Variants in BMERB1 observed in about 807,000 individuals in gnomAD.
The protein encoded by BMERB1 is bMERB domain-containing protein 1.
BMERB1 carries 12 observed loss-of-function variants against 23.6 expected under a neutral mutation model. The ratio of observed to expected loss-of-function variants is 0.51; its 90% CI spans 0.33 to 0.82. The LOEUF is 0.82. Among genes scored for constraint, BMERB1 ranks in the 40% least tolerant of loss-of-function variants. The probability of loss-of-function intolerance (pLI) is 0.03; values close to 1 mark genes in which losing one functional copy is unlikely to be tolerated. For synonymous variants in BMERB1, 122 were observed against 96.6 expected (o/e 1.26, Z -1.54); for missense variants, 247 against 255.4 (o/e 0.97, Z 0.22).
intron 1 of BMERB1, among the ~76,000 whole-genome samples, chr16:15,480,916 A>G (rs1055545758): frequency 6.6e-6 from 1 of 152,030 alleles, no homozygotes; most frequent in African/African-American, 2.4e-5. Flanking sequence ...CCGGCCAGGA[A>G]TTACACTTTT....
chr16:15,482,428 C>G (rs1209157865), intron 1 of BMERB1, among the ~76,000 whole-genome samples: 1 of 152,158 alleles, frequency 6.6e-6, no homozygotes, highest in Non-Finnish European at 1.5e-5. Context: ...TAGTGGCCAC[C>G]AGAACCATCC....
At chr16:15,526,956 T>C (rs1219984594) in intron 2 of BMERB1, among the ~76,000 whole-genome samples, 3 of 147,250 alleles carry the variant, frequency 2.0e-5, no homozygotes, top group Non-Finnish European at 4.5e-5. Flanking sequence ...TAATAAATCA[T>C]ATTTTATTAT....
intron 2 of BMERB1, chr16:15,533,136 G>A (rs1230989350): frequency 1.4e-5 from 5 of 360,632 alleles, no homozygotes; most frequent in East Asian, 8.3e-5. Flanking sequence ...CTGCTACCAC[G>A]TAAGTGCTCA....
intron 2 of BMERB1, among the ~76,000 whole-genome samples, chr16:15,526,442 G>T (rs2051905535): frequency 2.6e-5 from 4 of 152,078 alleles, no homozygotes; most frequent in Admixed American, 2.6e-4. Flanking sequence ...GAGGTGGGTG[G>T]ATCACAAGTT....
At chr16:15,475,685 T>C (rs2051269314) in intron 1 of BMERB1, among the ~76,000 whole-genome samples, 1 of 151,978 alleles carries the variant, frequency 6.6e-6, no homozygotes, top group Non-Finnish European at 1.5e-5. Context: ...GAAATCAGAG[T>C]GCCACCTCCT....
At chr16:15,478,600 A>G (rs2051292242) in intron 1 of BMERB1, among the ~76,000 whole-genome samples, 1 of 152,198 alleles carries the variant, frequency 6.6e-6, no homozygotes, top group African/African-American at 2.4e-5. Flanking sequence ...CAGGAGGACG[A>G]TGAGGTCAAA....
rs2031166249 is a variant in BMERB1 at position 15,587,041 on chromosome 16, C to T, written c.*212C>T. 1.8e-6 allele frequency: 1 copy of T among 544,106 alleles called. No individual in the cohort carries two copies. The highest frequency in any genetic ancestry group is 3.2e-6 in the Non-Finnish European group (1 of 308,332). The allele number at this position is 544,106 out of a possible 1,614,324, so 33.7% of individuals were successfully genotyped here. A position where few individuals can be genotyped will look rare whatever the true frequency, so the allele number is the denominator to read the frequency against. On this transcript the variant is annotated 3_prime_UTR_variant, in exon 6 of 6. Transcript: ENST00000300006. ...AGTCTCTCACCGTCGCATGGTCCTC[C>T]CCAGAGCATGCCGAACCCAGGAGTC...
chr16:15,548,074 T>C (rs988722168), intron 2 of BMERB1, among the ~76,000 whole-genome samples: 1 of 152,194 alleles, frequency 6.6e-6, no homozygotes. Flanking sequence ...AACTTCTGCC[T>C]CCCAAGTTCA....
rs545789088 is a variant in BMERB1 at position 15,492,877 on chromosome 16, C to G, written c.107-22428C>G. On this transcript the variant is annotated intron_variant, in intron 1 of 5. Transcript: ENST00000300006. The stretch of plus-strand genomic sequence containing the variant: ...GAGGTTGCAGTGAGCTGAGATCATG[C>G]CACTGCACTCCAGCCTGAGTGACAA... Among the ~76,000 whole-genome samples, 34 of 151,282 alleles carry G rather than the reference C, an allele frequency of 2.2e-4. No homozygotes were observed. In the South Asian group the frequency reaches 6.7e-3, roughly 30 times the overall value.
chr16:15,500,124 C>T, intron 1 of BMERB1, among the ~76,000 whole-genome samples: 1 of 152,082 alleles, frequency 6.6e-6, no homozygotes, highest in East Asian at 1.9e-4. Context: ...CTGTGGAGTC[C>T]CCTCCACAGA....
chr16:15,556,046 G>A (rs1459568289), intron 2 of BMERB1, among the ~76,000 whole-genome samples: 1 of 152,082 alleles, frequency 6.6e-6, no homozygotes, highest in Admixed American at 6.6e-5. Flanking sequence ...GGGCATGGTG[G>A]CAAGTGCCTG....
intron 1 of BMERB1, among the ~76,000 whole-genome samples, chr16:15,465,705 T>C (rs1248184102): frequency 6.6e-6 from 1 of 152,174 alleles, no homozygotes; most frequent in Non-Finnish European, 1.5e-5. Context: ...ACCTTAAAGA[T>C]TCAGCTGGAG....
intron 1 of BMERB1, among the ~76,000 whole-genome samples, chr16:15,480,937 A>G (rs1013921172): frequency 2.0e-5 from 3 of 152,146 alleles, no homozygotes; most frequent in African/African-American, 7.2e-5. Context: ...AGAAATTTGT[A>G]TTATACAGAT....
chr16:15,587,228 G>A lies in BMERB1; in HGVS notation c.*399G>A, dbSNP rs1016650676. 4 of 221,508 alleles carry A rather than the reference G, an allele frequency of 1.8e-5. No homozygotes were observed. Among genetic ancestry groups the A allele is most frequent in the South Asian group, 5.7e-5 (1 of 17,618 alleles). 13.7% of individuals were successfully genotyped at this position (221,508 alleles called of 1,614,324 possible). On this transcript the variant is annotated 3_prime_UTR_variant, in exon 6 of 6. Coordinates refer to ENST00000300006, the MANE Select transcript of BMERB1 (RefSeq NM_033201.3). ...CTTCTCAACAATCTAGCACCATGTC[G>A]GACACGTTCCCCATCCACCCTCCTA...
Position 15,587,669 on chromosome 16 carries a change from C to A in BMERB1, c.*840C>A. 3.2e-6 allele frequency: 1 copy of A among 315,186 alleles called. No homozygotes were observed. Among genetic ancestry groups the A allele is most frequent in the Non-Finnish European group, 6.8e-6 (1 of 146,358 alleles). The allele number at this position is 315,186 out of a possible 1,614,324, so 19.5% of individuals were successfully genotyped here. A position where few individuals can be genotyped will look rare whatever the true frequency, so the allele number is the denominator to read the frequency against. On this transcript the variant is annotated 3_prime_UTR_variant, in exon 6 of 6. Coordinates refer to ENST00000300006, the MANE Select transcript of BMERB1 (RefSeq NM_033201.3). ...TCCGGGGCCACCACAGAGATGCCAGCAGGATGCCACTTTGCCAGCCCGACA... is the reference window on the plus strand; with the variant it reads ...TCCGGGGCCACCACAGAGATGCCAGAAGGATGCCACTTTGCCAGCCCGACA...
At chr16:15,447,091 A>G (rs1021698719) in intron 1 of BMERB1, among the ~76,000 whole-genome samples, 4 of 152,134 alleles carry the variant, frequency 2.6e-5, no homozygotes, top group Non-Finnish European at 5.9e-5. Flanking sequence ...TCTGAATTTC[A>G]GTTTTCTCAT....
At chr16:15,532,703 G>C (rs562871221) in intron 2 of BMERB1, among the ~76,000 whole-genome samples, 3 of 151,684 alleles carry the variant, frequency 2.0e-5, no homozygotes, top group African/African-American at 7.2e-5. Context: ...CTGCCACCAT[G>C]CCCGGCTAAT....
chr16:15,501,044 T>G (rs927345313), intron 1 of BMERB1, among the ~76,000 whole-genome samples: 7 of 152,246 alleles, frequency 4.6e-5, no homozygotes, highest in African/African-American at 1.7e-4. Flanking sequence ...CTCATTCGTA[T>G]CTTTAATATA....
intron 2 of BMERB1, among the ~76,000 whole-genome samples, chr16:15,525,160 C>A (rs966631330): frequency 3.3e-5 from 5 of 152,176 alleles, no homozygotes; most frequent in Non-Finnish European, 7.3e-5. Context: ...CCCGTCCAAT[C>A]AGTTGAAGGC....
Sources: gnomAD v4.1 joint callset for allele counts (sites outside exome capture counted in the v4.1 genomes callset) on GRCh38, gnomAD v4.1.1 for gene constraint, MANE v1.5 for transcripts, NCBI Gene and HGNC (gene_info 2026-07-23, HGNC 2026-07-21) for gene names.